The following NLGN1 variants were observed in gnomAD, a reference collection of about 807,000 sequenced individuals.
NLGN1 encodes neuroligin 1.
A neutral mutation model predicts 65.5 loss-of-function variants in NLGN1; 12 were observed. The ratio of observed to expected loss-of-function variants is 0.18; its 90% CI spans 0.12 to 0.30. The LOEUF (loss-of-function observed/expected upper bound fraction) is 0.30. NLGN1 is among the 10% of genes least tolerant of loss of function. The pLI, the probability that NLGN1 is intolerant of heterozygous loss-of-function variation, is 1.00. For synonymous variants in NLGN1, 350 were observed against 359.5 expected, an observed-to-expected ratio of 0.97 and a Z score of 0.30; for missense variants, 750 against 1,007.1, an observed-to-expected ratio of 0.74 and a Z score of 3.46.
At chr3:174,148,898 A>G (rs1468014899) in intron 4 of NLGN1, among the ~76,000 whole-genome samples, 1 of 152,186 alleles carries the variant, frequency 6.6e-6, no homozygotes, top group Non-Finnish European at 1.5e-5. Context: ...GGCCTTCCAC[A>G]GGCATACCAA....
intron 3 of NLGN1, among the ~76,000 whole-genome samples, chr3:173,788,234 G>C (rs541464202): frequency 1.3e-4 from 15 of 119,882 alleles, no homozygotes; most frequent in Non-Finnish European, 2.3e-4. Flanking sequence ...AAAAGAAAAA[G>C]TTTATTTTTA....
intron 4 of NLGN1, among the ~76,000 whole-genome samples, chr3:174,082,744 G>C (rs779676917): frequency 2.0e-5 from 3 of 151,556 alleles, no homozygotes; most frequent in Non-Finnish European, 2.9e-5. Flanking sequence ...TTTTGAAACA[G>C]AGGTTCATTC....
At chr3:174,240,352 G>C in intron 4 of NLGN1, among the ~76,000 whole-genome samples, 1 of 151,954 alleles carries the variant, frequency 6.6e-6, no homozygotes, top group East Asian at 1.9e-4. Context: ...TATAAAATTG[G>C]AATATAAGTA....
At chr3:173,934,981 CATT>C (rs553968011) in intron 4 of NLGN1, among the ~76,000 whole-genome samples, 2 of 151,904 alleles carry the variant, frequency 1.3e-5, no homozygotes, top group Non-Finnish European at 2.9e-5. Flanking sequence ...TTATTATTTC[CATT>C]ATACAGATGA....
At chr3:173,559,116 T>A (rs1447563751) in intron 2 of NLGN1, among the ~76,000 whole-genome samples, 2 of 152,208 alleles carry the variant, frequency 1.3e-5, no homozygotes, top group Non-Finnish European at 2.9e-5. Flanking sequence ...GGGCTGAAGT[T>A]TCAGATATTT....
At chr3:173,818,202 C>T (rs2063316925) in intron 4 of NLGN1, among the ~76,000 whole-genome samples, 2 of 152,156 alleles carry the variant, frequency 1.3e-5, no homozygotes, top group Non-Finnish European at 2.9e-5. Flanking sequence ...TCCTTCCTCT[C>T]TGGACCTCAG....
intron 4 of NLGN1, among the ~76,000 whole-genome samples, chr3:173,845,007 G>A (rs930557077): frequency 6.6e-6 from 1 of 152,162 alleles, no homozygotes; most frequent in African/African-American, 2.4e-5. Flanking sequence ...GTATCTCTAG[G>A]GAGGAAATTG....
At chr3:174,259,165 A>C (rs1240082549) in intron 4 of NLGN1, among the ~76,000 whole-genome samples, 3 of 152,134 alleles carry the variant, frequency 2.0e-5, no homozygotes, top group African/African-American at 7.2e-5. Context: ...TCTAGCCAAC[A>C]TTCTTGCTAA....
chr3:173,996,610 A>G (rs1013795397), intron 4 of NLGN1, among the ~76,000 whole-genome samples: 2 of 152,152 alleles, frequency 1.3e-5, no homozygotes, highest in Non-Finnish European at 2.9e-5. Flanking sequence ...CCCTGAAGAG[A>G]CCGTTTTACA....
At chr3:174,130,573 G>A (rs1719960300) in intron 4 of NLGN1, among the ~76,000 whole-genome samples, 1 of 152,042 alleles carries the variant, frequency 6.6e-6, no homozygotes, top group Non-Finnish European at 1.5e-5. Context: ...GAGTTTTAAG[G>A]ACCTATGATA....
intron 4 of NLGN1, among the ~76,000 whole-genome samples, chr3:173,993,713 A>G (rs1721638227): frequency 6.6e-6 from 1 of 151,786 alleles, no homozygotes; most frequent in Non-Finnish European, 1.5e-5. Context: ...GCCAACTAAC[A>G]GTAATTCAGT....
intron 4 of NLGN1, among the ~76,000 whole-genome samples, chr3:174,011,513 C>G (rs1725539078): frequency 6.6e-6 from 1 of 152,110 alleles, no homozygotes; most frequent in Admixed American, 6.6e-5. Flanking sequence ...TTTAAAGCTT[C>G]TATTTAATCA....
At chr3:173,420,550 GTC>G (rs1385120590) in intron 1 of NLGN1, among the ~76,000 whole-genome samples, 1 of 152,130 alleles carries the variant, frequency 6.6e-6, no homozygotes, top group Non-Finnish European at 1.5e-5. Context: ...GTGTGCATGT[GTC>G]TTTATAGCAG....
intron 2 of NLGN1, among the ~76,000 whole-genome samples, chr3:173,510,678 C>T (rs191545922): frequency 4.7e-4 from 71 of 152,238 alleles, no homozygotes; most frequent in Non-Finnish European, 8.8e-4. Context: ...ATTGTTTGTG[C>T]TCTCCAGTTG....
intron 4 of NLGN1, among the ~76,000 whole-genome samples, chr3:174,259,325 C>T (rs528611562): frequency 6.6e-6 from 1 of 151,988 alleles, no homozygotes; most frequent in Non-Finnish European, 1.5e-5. Context: ...TCAGTTAATC[C>T]TTGCTACCTC....
At chr3:173,806,013 G>C (rs1379676998) in intron 3 of NLGN1, among the ~76,000 whole-genome samples, 1 of 152,014 alleles carries the variant, frequency 6.6e-6, no homozygotes, top group Non-Finnish European at 1.5e-5. Flanking sequence ...TTTAGTGAAT[G>C]GTTCCTATGT....
At chr3:174,143,278 G>A (rs1209196888) in intron 4 of NLGN1, among the ~76,000 whole-genome samples, 1 of 152,120 alleles carries the variant, frequency 6.6e-6, no homozygotes, top group East Asian at 1.9e-4. Context: ...GGCTACTGCA[G>A]ATTTTATAGA....
intron 3 of NLGN1, among the ~76,000 whole-genome samples, chr3:173,680,290 T>A (rs1251911551): frequency 6.6e-6 from 1 of 152,138 alleles, no homozygotes; most frequent in Non-Finnish European, 1.5e-5. Flanking sequence ...TTCACTTACT[T>A]ATTTTTCTTG....
intron 4 of NLGN1, among the ~76,000 whole-genome samples, chr3:174,272,645 ATATG>A (rs1282934523): frequency 5.6e-5 from 7 of 125,282 alleles, no homozygotes; most frequent in African/African-American, 2.2e-4. Context: ...TCAGATGATG[ATATG>A]GATGGATGGA....
Sources: allele counts gnomAD v4.1 joint callset (sites outside exome capture counted in the v4.1 genomes callset), GRCh38; gene constraint gnomAD v4.1.1; transcripts MANE v1.5; gene names NCBI Gene and HGNC (gene_info 2026-07-23, HGNC 2026-07-21).